FHIT: variants seen among roughly 807,000 people sequenced by gnomAD.
The protein encoded by FHIT is fragile histidine triad diadenosine triphosphatase.
Under a neutral mutation model 17.9 loss-of-function variants are expected in FHIT, and 19 were observed. The ratio of observed to expected loss-of-function variants is 1.06; its 90% CI spans 0.74 to 1.56. The LOEUF (loss-of-function observed/expected upper bound fraction) is 1.56. FHIT is among the 40% of genes most tolerant of loss of function. The probability of loss-of-function intolerance (pLI) is 0.00; values close to 1 mark genes in which losing one functional copy is unlikely to be tolerated. For synonymous variants in FHIT, 81 were observed against 69.7 expected, an observed-to-expected ratio of 1.16 and a Z score of -0.81; for missense variants, 248 against 189.2, an observed-to-expected ratio of 1.31 and a Z score of -1.82.
At chr3:59,906,335 G>A (rs964170171) in intron 8 of FHIT, among the ~76,000 whole-genome samples, 1 of 152,074 alleles carries the variant, frequency 6.6e-6, no homozygotes, top group Admixed American at 6.5e-5. Flanking sequence ...TTCTTAATGT[G>A]GCCCTTAAAA....
At chr3:59,829,953 ATAG>A (rs954591213) in intron 8 of FHIT, among the ~76,000 whole-genome samples, 1 of 152,080 alleles carries the variant, frequency 6.6e-6, no homozygotes, top group Admixed American at 6.6e-5. Context: ...GCTCGTGCCT[ATAG>A]TCCCAGTTAC....
intron 5 of FHIT, among the ~76,000 whole-genome samples, chr3:60,189,056 T>C (rs966019354): frequency 4.6e-5 from 7 of 152,146 alleles, no homozygotes; most frequent in African/African-American, 1.7e-4. Context: ...TCTCCTCACC[T>C]AGCTTTTGAA....
At chr3:59,965,489 A>G (rs1707884930) in intron 7 of FHIT, among the ~76,000 whole-genome samples, 1 of 152,136 alleles carries the variant, frequency 6.6e-6, no homozygotes, top group Non-Finnish European at 1.5e-5. Flanking sequence ...TTTCTTGCAG[A>G]ACTGTGTCTT....
chr3:60,676,302 C>T (rs1440448018), intron 4 of FHIT, among the ~76,000 whole-genome samples: 1 of 152,070 alleles, frequency 6.6e-6, no homozygotes, highest in African/African-American at 2.4e-5. Context: ...GTGTATTTGA[C>T]AATCCTTTGG....
intron 4 of FHIT, among the ~76,000 whole-genome samples, chr3:60,661,822 C>T (rs782805627): frequency 3.3e-5 from 5 of 152,130 alleles, no homozygotes; most frequent in Non-Finnish European, 5.9e-5. Context: ...AGCAGTTTTT[C>T]ATATGTTTGT....
chr3:60,958,101 A>G (rs1709255566), intron 3 of FHIT, among the ~76,000 whole-genome samples: 1 of 152,248 alleles, frequency 6.6e-6, no homozygotes. Context: ...ACTCTGAATT[A>G]CTACAGACTC....
intron 3 of FHIT, among the ~76,000 whole-genome samples, chr3:61,032,228 C>G (rs2033042199): frequency 6.6e-6 from 1 of 152,162 alleles, no homozygotes; most frequent in East Asian, 1.9e-4. Context: ...GTAAACTTGT[C>G]CACATGAAAC....
chr3:60,350,728 G>A (rs1314684027), intron 5 of FHIT, among the ~76,000 whole-genome samples: 2 of 152,108 alleles, frequency 1.3e-5, no homozygotes, highest in South Asian at 2.1e-4. Context: ...TAAGCGTGAT[G>A]AACAGGTAAA....
intron 5 of FHIT, among the ~76,000 whole-genome samples, chr3:60,055,027 GA>G (rs904913266): frequency 2.0e-5 from 3 of 151,622 alleles, no homozygotes; most frequent in Admixed American, 1.3e-4. Flanking sequence ...CCCAACACAG[GA>G]AAAAAAATAC....
At chr3:60,168,315 T>G (rs1427139490) in intron 5 of FHIT, among the ~76,000 whole-genome samples, 1 of 152,170 alleles carries the variant, frequency 6.6e-6, no homozygotes, top group Non-Finnish European at 1.5e-5. Flanking sequence ...TGGAGCAGAT[T>G]TTACCCTTCA....
intron 5 of FHIT, among the ~76,000 whole-genome samples, chr3:60,250,591 G>C (rs1246227867): frequency 6.6e-6 from 1 of 152,112 alleles, no homozygotes; most frequent in African/African-American, 2.4e-5. Context: ...AATTTCCAGG[G>C]CATGGGGCTG....
intron 8 of FHIT, among the ~76,000 whole-genome samples, chr3:59,793,959 C>A (rs548404230): frequency 6.6e-6 from 1 of 152,142 alleles, no homozygotes; most frequent in Non-Finnish European, 1.5e-5. Flanking sequence ...GTATTTCACA[C>A]AGGAACACTT....
At chr3:60,651,994 A>G (rs1219420167) in intron 4 of FHIT, among the ~76,000 whole-genome samples, 1 of 152,206 alleles carries the variant, frequency 6.6e-6, no homozygotes, top group East Asian at 1.9e-4. Flanking sequence ...TAGAAGATAA[A>G]TGATTTGAAT....
intron 4 of FHIT, chr3:60,732,512 C>T: frequency 1.5e-6 from 1 of 669,104 alleles, no homozygotes. Flanking sequence ...TCCTTTCTTT[C>T]CAGCGCTCAG....
rs548837587 is a variant in FHIT at position 60,378,105 on chromosome 3, C to T, written c.103+158755G>A. Among the ~76,000 whole-genome samples, 4 of 152,120 alleles carry T rather than the reference C, an allele frequency of 2.6e-5. No homozygotes were observed. In the East Asian group the frequency reaches 7.8e-4, roughly 30 times the overall value. On this transcript the variant is annotated intron_variant, in intron 5 of 9. Transcript: ENST00000492590. ...GCAGTGGCGCGATCACGGCTCACTG[C>T]GAGCTCCACCTCCTGGGTTCACGCC...
intron 5 of FHIT, among the ~76,000 whole-genome samples, chr3:60,386,178 T>C (rs547302773): frequency 6.6e-6 from 1 of 152,178 alleles, no homozygotes; most frequent in African/African-American, 2.4e-5. Context: ...TACTCACTGG[T>C]CTCTTCTGCC....
intron 7 of FHIT, among the ~76,000 whole-genome samples, chr3:59,994,313 C>A (rs1439366506): frequency 6.6e-6 from 1 of 152,060 alleles, no homozygotes; most frequent in Non-Finnish European, 1.5e-5. Flanking sequence ...TAACCACCAA[C>A]CCGTTTAGGG....
chr3:60,505,539 AC>A (rs2034692594), intron 5 of FHIT, among the ~76,000 whole-genome samples: 1 of 152,242 alleles, frequency 6.6e-6, no homozygotes, highest in Non-Finnish European at 1.5e-5. Flanking sequence ...TGTAACTAAT[AC>A]AGACGCACAT....
intron 3 of FHIT, among the ~76,000 whole-genome samples, chr3:60,868,081 T>C (rs1339173613): frequency 6.6e-6 from 1 of 152,132 alleles, no homozygotes; most frequent in African/African-American, 2.4e-5. Context: ...TGAAGGTTTT[T>C]AAATAAAAAC....
Sources: gnomAD v4.1 joint callset for allele counts (sites outside exome capture counted in the v4.1 genomes callset) on GRCh38, gnomAD v4.1.1 for gene constraint, MANE v1.5 for transcripts, NCBI Gene and HGNC (gene_info 2026-07-23, HGNC 2026-07-21) for gene names.